The following TPD52 variants were observed in gnomAD, a reference collection of about 807,000 sequenced individuals.
The protein encoded by TPD52 is prostate and colon associated protein.
A neutral mutation model predicts 31.3 loss-of-function variants in TPD52; 17 were observed. The observed-to-expected ratio is 0.54, with a 90% confidence interval of 0.37 to 0.82. The LOEUF (loss-of-function observed/expected upper bound fraction) is 0.82. TPD52 is among the 40% of genes least tolerant of loss of function. TPD52 has a pLI of 0.00. For synonymous variants in TPD52, 83 were observed against 89.6 expected, an observed-to-expected ratio of 0.93 and a Z score of 0.42; for missense variants, 212 against 240.1, an observed-to-expected ratio of 0.88 and a Z score of 0.77.
intron 1 of TPD52, among the ~76,000 whole-genome samples, chr8:80,083,360 T>C (rs1815476431): frequency 6.6e-6 from 1 of 152,182 alleles, no homozygotes; most frequent in South Asian, 2.1e-4. Flanking sequence ...CCTTGTGATA[T>C]GGTTTGGCTC....
In TPD52 at chr8:80,112,842, G is replaced by A. The variant is rs1003494081; in HGVS notation, c.20-48249C>T. ...ATATCCCTTATCTGAAATGCTTAGG[G>A]TCAGAAGTATTTCAGATTTCCGATT... On this transcript the variant is annotated intron_variant, in intron 1 of 7. Transcript: ENST00000518937. Among the ~76,000 whole-genome samples the A allele has an allele frequency of 5.9e-5, 9 of 152,034 alleles. No homozygotes were observed. In the South Asian group the frequency reaches 6.2e-4, roughly 11 times the overall value.
At chr8:80,054,774 C>A (rs1811704418) in intron 2 of TPD52, among the ~76,000 whole-genome samples, 1 of 150,602 alleles carries the variant, frequency 6.6e-6, no homozygotes, top group Admixed American at 6.6e-5. Flanking sequence ...AAAGAACCTA[C>A]AACACCACTC....
chr8:80,090,940 A>T (rs1816207712), intron 1 of TPD52, among the ~76,000 whole-genome samples: 1 of 152,220 alleles, frequency 6.6e-6, no homozygotes, highest in African/African-American at 2.4e-5. Flanking sequence ...CAAAATAACT[A>T]AAATTGAGTT....
At chr8:80,074,985 T>A (rs1814356714) in intron 1 of TPD52, among the ~76,000 whole-genome samples, 1 of 152,038 alleles carries the variant, frequency 6.6e-6, no homozygotes. Context: ...ATTTTTTATT[T>A]TTTTTTATTT....
Position 80,154,456 on chromosome 8 carries a change from A to C in TPD52, c.19+16969T>G, listed in dbSNP as rs115749202. 3.3e-3 allele frequency among the ~76,000 whole-genome samples: 498 copies of C among 152,320 alleles called. 2 individuals carry two copies. Among genetic ancestry groups the C allele is most frequent in the African/African-American group, 0.011 (446 of 41,576 alleles). On this transcript the variant is annotated intron_variant, in intron 1 of 7. Transcript: ENST00000518937. ...TGGGATGGCACCGGATTTGAATTGC[A>C]ATTGACTCACTGCTTACTTCCCTCT...
At chr8:80,087,904 T>G (rs1463372487) in intron 1 of TPD52, among the ~76,000 whole-genome samples, 2 of 152,192 alleles carry the variant, frequency 1.3e-5, no homozygotes, top group African/African-American at 4.8e-5. Context: ...AAATAAAAAG[T>G]ACTTGATTTT....
intron 1 of TPD52, among the ~76,000 whole-genome samples, chr8:80,102,230 C>G (rs1014593895): frequency 6.6e-6 from 1 of 152,320 alleles, no homozygotes; most frequent in Admixed American, 6.5e-5. Flanking sequence ...AGCCCTCAGG[C>G]AGGGTTGTAA....
intron 1 of TPD52, among the ~76,000 whole-genome samples, chr8:80,092,916 T>G (rs775751361): frequency 2.9e-4 from 44 of 152,136 alleles, no homozygotes; most frequent in Non-Finnish European, 5.4e-4. Context: ...GAAGGGGGAA[T>G]AAAGAATATA....
chr8:80,128,872 T>TTTACATC (rs1030263951), intron 1 of TPD52, among the ~76,000 whole-genome samples: 2 of 151,892 alleles, frequency 1.3e-5, no homozygotes, highest in African/African-American at 4.8e-5. Context: ...CTTGATCATT[T>TTTACATC]TTACATCTGG....
intron 1 of TPD52, among the ~76,000 whole-genome samples, chr8:80,108,913 C>T (rs1281863554): frequency 1.3e-5 from 2 of 152,188 alleles, no homozygotes; most frequent in Non-Finnish European, 2.9e-5. Flanking sequence ...TCTACCTGAT[C>T]CTCGGGAACT....
intron 1 of TPD52, among the ~76,000 whole-genome samples, chr8:80,159,988 C>T (rs897147294): frequency 2.6e-5 from 4 of 152,092 alleles, no homozygotes; most frequent in African/African-American, 9.7e-5. Flanking sequence ...CCCAGGGGTT[C>T]GAGACCAGTC....
At chr8:80,108,116 A>G (rs1158423030) in intron 1 of TPD52, among the ~76,000 whole-genome samples, 2 of 152,218 alleles carry the variant, frequency 1.3e-5, no homozygotes, top group East Asian at 3.8e-4. Flanking sequence ...AGGCAGACAA[A>G]GGAGTCCCAA....
chr8:80,065,319 C>A (rs1813018739), intron 1 of TPD52, among the ~76,000 whole-genome samples: 1 of 134,934 alleles, frequency 7.4e-6, no homozygotes, highest in African/African-American at 2.7e-5. Context: ...ATATATATAT[C>A]ATCCAGATAC....
chr8:80,134,551 G>A (rs1563651124), intron 1 of TPD52, among the ~76,000 whole-genome samples: 1 of 152,160 alleles, frequency 6.6e-6, no homozygotes, highest in Non-Finnish European at 1.5e-5. Flanking sequence ...TAGAGCTGGT[G>A]GAAAAAGGAC....
At chr8:80,061,311 C>A (rs1275719234) in intron 2 of TPD52, among the ~76,000 whole-genome samples, 1 of 151,750 alleles carries the variant, frequency 6.6e-6, no homozygotes, top group Non-Finnish European at 1.5e-5. Flanking sequence ...TTGCAGTGAG[C>A]CAAGATCATG....
At chr8:80,114,937 T>C (rs922767851) in intron 1 of TPD52, among the ~76,000 whole-genome samples, 3 of 152,222 alleles carry the variant, frequency 2.0e-5, no homozygotes, top group Admixed American at 6.5e-5. Context: ...TAATTGTGTC[T>C]GAGTCGTACC....
At chr8:80,079,934 A>T (rs1300043502) in intron 1 of TPD52, among the ~76,000 whole-genome samples, 1 of 152,192 alleles carries the variant, frequency 6.6e-6, no homozygotes, top group Non-Finnish European at 1.5e-5. Context: ...GTGCTTAACC[A>T]TCATTTTACT....
At chr8:80,143,183 G>A (rs775439755) in intron 1 of TPD52, among the ~76,000 whole-genome samples, 12 of 145,676 alleles carry the variant, frequency 8.2e-5, no homozygotes, top group Admixed American at 1.4e-4. Context: ...GATGAAATAT[G>A]ATCAATCTAG....
intron 1 of TPD52, among the ~76,000 whole-genome samples, chr8:80,162,829 G>A (rs1309085593): frequency 3.3e-5 from 5 of 152,126 alleles, no homozygotes; most frequent in African/African-American, 7.2e-5. Flanking sequence ...GGGAGTCTGA[G>A]GCAGGAGGAT....
Sources: gnomAD v4.1 joint callset for allele counts (sites outside exome capture counted in the v4.1 genomes callset) on GRCh38, gnomAD v4.1.1 for gene constraint, MANE v1.5 for transcripts, NCBI Gene and HGNC (gene_info 2026-07-23, HGNC 2026-07-21) for gene names.